LRBA: variants seen among roughly 807,000 people sequenced by gnomAD.
LRBA encodes the protein lipopolysaccharide-responsive and beige-like anchor protein.
In LRBA, 176 loss-of-function variants were observed where a neutral mutation model predicts 330.0. The observed-to-expected ratio is 0.53, with a 90% CI of 0.47 to 0.60. The LOEUF (loss-of-function observed/expected upper bound fraction) is 0.60, where lower values mean the gene tolerates loss of function less well. Among genes scored for constraint, LRBA ranks in the 20% least tolerant of loss-of-function variants. The probability of loss-of-function intolerance (pLI) is 0.00; values close to 1 mark genes in which losing one functional copy is unlikely to be tolerated. For synonymous variants in LRBA, 1,230 were observed against 1,193.0 expected (o/e 1.03, Z -0.64); for missense variants, 3,259 against 3,444.8 (o/e 0.95, Z 1.35).
chr4:150,890,996 G>A (rs1219862309), intron 17 of LRBA, among the ~76,000 whole-genome samples: 3 of 151,900 alleles, frequency 2.0e-5, no homozygotes, highest in African/African-American at 7.3e-5. Flanking sequence ...TATATCCACA[G>A]AAAATAAGGT....
At chr4:150,442,331 G>A (rs1404665135) in intron 44 of LRBA, among the ~76,000 whole-genome samples, 7 of 152,156 alleles carry the variant, frequency 4.6e-5, no homozygotes, top group African/African-American at 1.7e-4. Context: ...CTAATAAATA[G>A]GGTGCTTGAA....
chr4:150,356,508 C>G (rs1038849429), intron 47 of LRBA, among the ~76,000 whole-genome samples: 1 of 151,876 alleles, frequency 6.6e-6, no homozygotes, highest in East Asian at 1.9e-4. Flanking sequence ...TGAAATAAAT[C>G]TAAAGAAAAT....
chr4:150,474,248 T>C (rs1053631319), intron 42 of LRBA, among the ~76,000 whole-genome samples: 7 of 152,294 alleles, frequency 4.6e-5, no homozygotes, highest in South Asian at 2.1e-4. Context: ...CTGAATTGTG[T>C]TGGCACCTTT....
At chr4:150,564,331 CA>C (rs1768826749) in intron 40 of LRBA, among the ~76,000 whole-genome samples, 4 of 152,082 alleles carry the variant, frequency 2.6e-5, no homozygotes, top group Non-Finnish European at 5.9e-5. Flanking sequence ...ACTGGCTAGC[CA>C]TAAGTAGAAA....
intron 52 of LRBA, among the ~76,000 whole-genome samples, chr4:150,303,266 T>C (rs1005795076): frequency 6.6e-6 from 1 of 152,238 alleles, no homozygotes; most frequent in African/African-American, 2.4e-5. Flanking sequence ...AATGTATTTC[T>C]TGTTTTAAGT....
chr4:150,917,813 C>G (rs1732805146), intron 5 of LRBA, among the ~76,000 whole-genome samples: 1 of 151,854 alleles, frequency 6.6e-6, no homozygotes, highest in Admixed American at 6.6e-5. Flanking sequence ...CCTGTAATCC[C>G]AGCTACTCAG....
At chr4:150,711,088 G>GA (rs1324439637) in intron 36 of LRBA, among the ~76,000 whole-genome samples, 2 of 151,540 alleles carry the variant, frequency 1.3e-5, no homozygotes, top group African/African-American at 2.4e-5. Context: ...GAACCCCAAT[G>GA]AAAAAAAATT....
intron 40 of LRBA, among the ~76,000 whole-genome samples, chr4:150,503,221 G>T (rs555568851): frequency 1.3e-5 from 2 of 152,306 alleles, no homozygotes; most frequent in South Asian, 4.1e-4. Context: ...CTCCCAGCAT[G>T]CAGATTGAGA....
At chr4:150,910,510 T>C (rs1181479636) in intron 9 of LRBA, among the ~76,000 whole-genome samples, 1 of 152,214 alleles carries the variant, frequency 6.6e-6, no homozygotes, top group African/African-American at 2.4e-5. Flanking sequence ...GGACACTCTA[T>C]TGTGTTCCCT....
chr4:150,657,951 C>T (rs1020717375), intron 37 of LRBA, among the ~76,000 whole-genome samples: 1 of 151,996 alleles, frequency 6.6e-6, no homozygotes, highest in Non-Finnish European at 1.5e-5. Context: ...AAAGATCTGG[C>T]TCCCAAAGAT....
Position 150,320,951 on chromosome 4 carries a change from A to G in LRBA, c.7630+240T>C, listed in dbSNP as rs1732422412. Among the ~76,000 whole-genome samples the G allele has an allele frequency of 2.0e-5, 3 of 152,184 alleles. No homozygotes were observed. In the South Asian group the frequency reaches 6.2e-4, roughly 32 times the overall value. On this transcript the variant is annotated intron_variant, in intron 50 of 56. Transcript: ENST00000651943. Reference sequence around the variant, plus strand: ...ATTATATTAAAATACTATATTAGAAACAATATTTATCTCCAAGAATAAAGA... The same window carrying G: ...ATTATATTAAAATACTATATTAGAAGCAATATTTATCTCCAAGAATAAAGA...
chr4:150,902,614 C>T (rs2127142863), intron 13 of LRBA, among the ~76,000 whole-genome samples: 1 of 152,334 alleles, frequency 6.6e-6, no homozygotes, highest in East Asian at 1.9e-4. Flanking sequence ...GTTATTTAAA[C>T]CCCAGAAAAT....
chr4:150,787,294 CAT>C (rs1739225017), intron 34 of LRBA, among the ~76,000 whole-genome samples: 2 of 151,758 alleles, frequency 1.3e-5, no homozygotes. Flanking sequence ...AACAGTACTG[CAT>C]AGTTTTACAT....
intron 36 of LRBA, among the ~76,000 whole-genome samples, chr4:150,722,255 G>A (rs1729037055): frequency 6.6e-6 from 1 of 152,092 alleles, no homozygotes; most frequent in South Asian, 2.1e-4. Context: ...AAAGATAGCA[G>A]GCAAATATTC....
chr4:150,459,628 C>T (rs934161280), intron 44 of LRBA, among the ~76,000 whole-genome samples: 1 of 151,904 alleles, frequency 6.6e-6, no homozygotes, highest in African/African-American at 2.4e-5. Flanking sequence ...TAGTGGAAAG[C>T]ACCTATTAGG....
chr4:151,011,597 CAAA>C (rs77338885), intron 2 of LRBA, among the ~76,000 whole-genome samples: 9 of 90,502 alleles, frequency 9.9e-5, no homozygotes, highest in Admixed American at 1.3e-4. Context: ...GACTCTATCT[CAAA>C]AAAAAAAAAA....
chr4:150,757,854 G>T (rs1183468640), intron 35 of LRBA, among the ~76,000 whole-genome samples: 1 of 151,918 alleles, frequency 6.6e-6, no homozygotes, highest in Non-Finnish European at 1.5e-5. Flanking sequence ...TTTCAAACAC[G>T]TAAAAGATAA....
intron 36 of LRBA, among the ~76,000 whole-genome samples, chr4:150,696,693 A>T (rs531273670): frequency 3.3e-5 from 5 of 152,126 alleles, no homozygotes; most frequent in Non-Finnish European, 7.4e-5. Flanking sequence ...GGAAAGAGAG[A>T]AAAAGAAGGA....
At chr4:150,663,217 G>A (rs1400606260) in intron 37 of LRBA, among the ~76,000 whole-genome samples, 3 of 152,016 alleles carry the variant, frequency 2.0e-5, no homozygotes, top group African/African-American at 7.3e-5. Flanking sequence ...ATTGTCTATA[G>A]GGAACTACCG....
Sources: allele counts gnomAD v4.1 joint callset (sites outside exome capture counted in the v4.1 genomes callset), GRCh38; gene constraint gnomAD v4.1.1; transcripts MANE v1.5; gene names NCBI Gene and HGNC (gene_info 2026-07-23, HGNC 2026-07-21).